CNN1: variants seen among roughly 807,000 people sequenced by gnomAD.
CNN1 encodes calponin-1.
A neutral mutation model predicts 35.3 loss-of-function variants in CNN1; 21 were observed. That is an observed-to-expected ratio of 0.60 (90% CI 0.42 to 0.86). The LOEUF (loss-of-function observed/expected upper bound fraction) is 0.86. CNN1 is among the 40% of genes least tolerant of loss of function. The pLI is 0.00. For synonymous variants in CNN1, 164 were observed against 161.8 expected (o/e 1.01, Z -0.10); for missense variants, 314 against 400.8 (o/e 0.78, Z 1.85).
intron 2 of CNN1, 94 bp from the exon 3 acceptor site, chr19:11,546,581 G>T: frequency 7.7e-7 from 1 of 1,302,338 alleles, no homozygotes; most frequent in Non-Finnish European, 1.1e-6. Context: ...TGATCCACCC[G>T]CCTTGGCCTC....
chr19:11,548,478 G>A (rs903367449), intron 5 of CNN1, among the ~76,000 whole-genome samples: 1 of 152,204 alleles, frequency 6.6e-6, no homozygotes, highest in African/African-American at 2.4e-5. Context: ...GAGCCCAGGA[G>A]TTCAAGGTTA....
At chr19:11,540,712 CAGAGGGGGCAGGGCT>C (rs1972442277) in intron 1 of CNN1, 1 of 182,276 alleles carries the variant, frequency 5.5e-6, no homozygotes, top group Non-Finnish European at 1.1e-5. Flanking sequence ...ACAGGGGGCA[CAGAGGGGGCAGGGCT>C]AGAGGAAGAG....
At chr19:11,541,273 A>C in intron 2 of CNN1, 76 bp downstream of exon 2, 7 of 1,457,114 alleles carry the variant, frequency 4.8e-6, no homozygotes, top group East Asian at 2.6e-5. Context: ...CAAAACAACC[A>C]TGATCCTGGA....
intron 1 of CNN1, 83 bp downstream of exon 1, chr19:11,539,073 C>A: frequency 8.1e-7 from 1 of 1,240,674 alleles, no homozygotes. Context: ...GAACCCCCTC[C>A]TGCCTATCCT....
chr19:11,541,675 G>A (rs7248873), intron 2 of CNN1, among the ~76,000 whole-genome samples: 8,919 of 152,176 alleles, frequency 0.059, 883 homozygotes, highest in African/African-American at 0.2. Context: ...TGCAACCTCC[G>A]CCTCCAGGGT....
At chr19:11,544,532 T>G (rs1030223266) in intron 2 of CNN1, among the ~76,000 whole-genome samples, 1 of 151,966 alleles carries the variant, frequency 6.6e-6, no homozygotes, top group Non-Finnish European at 1.5e-5. Context: ...AGTACAGCGG[T>G]GCAATCATAG....
Position 11,542,915 on chromosome 19 carries a change from T to C in CNN1, c.185+1718T>C, listed in dbSNP as rs116172581. Among the ~76,000 whole-genome samples, 394 of 152,294 alleles carry C rather than the reference T, an allele frequency of 2.6e-3. 3 individuals carry two copies. The highest frequency in any genetic ancestry group is 8.9e-3 in the African/African-American group (370 of 41,560). On this transcript the variant is annotated intron_variant, in intron 2 of 6. Coordinates refer to ENST00000252456, the MANE Select transcript of CNN1 (RefSeq NM_001299.6). ...GCATAGCAGGGCCCTAAACCCAGCC[T>C]GCGCCCGATCTGCATTTGAGTCTGA...
In CNN1 at chr19:11,550,076, C is replaced by T. The variant is rs1051085234; in HGVS notation, c.*281C>T. ...AGCAACGCTATTCCAGCTGTCCCCC[C>T]ACTCCCTCACAAGTGGGTACCCCCA... On this transcript the variant is annotated 3_prime_UTR_variant, in exon 7 of 7. Coordinates refer to ENST00000252456, the MANE Select transcript of CNN1 (RefSeq NM_001299.6). 2.6e-5 allele frequency: 9 copies of T among 345,676 alleles called. No homozygotes were observed. Among genetic ancestry groups the T allele is most frequent in the Admixed American group, 9.4e-5 (2 of 21,354 alleles). 21.4% of individuals were successfully genotyped at this position (345,676 alleles called of 1,614,324 possible). A position where few individuals can be genotyped will look rare whatever the true frequency, so the allele number is the denominator to read the frequency against.
intron 1 of CNN1, chr19:11,540,068 A>T (rs1230374189): frequency 9.6e-7 from 1 of 1,036,556 alleles, no homozygotes; most frequent in Non-Finnish European, 1.2e-6. Context: ...CCGGGAGAAG[A>T]AGAGGCAGCC....
At chr19:11,547,538 G>A (rs1972617335) in intron 4 of CNN1, among the ~76,000 whole-genome samples, 1 of 152,088 alleles carries the variant, frequency 6.6e-6, no homozygotes, top group African/African-American at 2.4e-5. Flanking sequence ...GTGAAACCCT[G>A]TCTCTACTAA....
chr19:11,548,534 C>T (rs1297768180), intron 5 of CNN1, among the ~76,000 whole-genome samples: 2 of 145,096 alleles, frequency 1.4e-5, no homozygotes, highest in Non-Finnish European at 3.0e-5. Context: ...AGAGTGAGAC[C>T]CTGTCTCTAA....
At chr19:11,547,505 T>C (rs1036445090) in intron 4 of CNN1, among the ~76,000 whole-genome samples, 5 of 152,038 alleles carry the variant, frequency 3.3e-5, no homozygotes, top group East Asian at 1.9e-4. Context: ...GGTCAGGAGA[T>C]TGAGACCATC....
chr19:11,543,532 G>C (rs1158607051), intron 2 of CNN1, among the ~76,000 whole-genome samples: 13 of 151,536 alleles, frequency 8.6e-5, no homozygotes, highest in Non-Finnish European at 1.6e-4. Flanking sequence ...TGTAATCCCA[G>C]CACTTTGGGA....
chr19:11,543,428 C>T (rs963109988), intron 2 of CNN1, among the ~76,000 whole-genome samples: 45 of 150,562 alleles, frequency 3.0e-4, no homozygotes, highest in Middle Eastern at 3.4e-3. Flanking sequence ...TGTATCAAAC[C>T]TGCACGTTGT....
intron 3 of CNN1, 32 bp from the exon 4 acceptor site, chr19:11,546,800 C>T: frequency 6.2e-7 from 1 of 1,614,144 alleles, no homozygotes; most frequent in Non-Finnish European, 8.5e-7. Flanking sequence ...CCTCCCCTCC[C>T]CACCCAGTGA....
At position 11,546,948 on chromosome 19, in the gene CNN1, C is replaced by G; in HGVS notation, c.369C>G (p.Thr123=). The G allele has an allele frequency of 6.2e-7, 1 of 1,614,220 alleles. No homozygotes were observed. The highest frequency in any genetic ancestry group is 8.5e-7 in the Non-Finnish European group (1 of 1,180,048). Residue 123 remains threonine (T), a synonymous_variant, in exon 4 of 7, where the codon ACC becomes ACG. Coordinates refer to ENST00000252456, the MANE Select transcript of CNN1 (RefSeq NM_001299.6). The part of the protein sequence containing the change: ...ENTNHTQVQS[T]LLALASMAKT... ...CCAACCATACACAGGTGCAGTCCAC[C>G]CTCCTGGCTTTGGCCAGCATGGTGA...
Position 11,549,667 on chromosome 19 carries a change from C to T in CNN1, c.766C>T (p.Arg256Trp), listed in dbSNP as rs570474230. ...QMGSNKGASQRGMTVYGLPRQ... is the reference protein window; with the variant it reads ...QMGSNKGASQWGMTVYGLPRQ... ...GGGCAGCAACAAGGGCGCCTCGCAG[C>T]GGGGCATGACGGTGTATGGGCTGCC... Residue 256 changes from arginine to tryptophan, a missense_variant, in exon 7 of 7, where the codon CGG (arginine) becomes TGG (tryptophan). Physicochemically the swap from Arg to Trp is moderately radical, Grantham distance 101. Transcript: ENST00000252456. This position sits in a 1 kb window ranked among gnomAD's most constrained non-coding sequence, Gnocchi z 5.2. The T allele has an allele frequency of 6.2e-6, 10 of 1,614,084 alleles. No individual in the cohort carries two copies. In the African/African-American group the frequency reaches 6.7e-5, roughly 11 times the overall value.
chr19:11,541,214 A>C lies in CNN1; in HGVS notation c.185+17A>C. 1 of 1,540,386 alleles carries C rather than the reference A, an allele frequency of 6.5e-7. No individual in the cohort carries two copies. The highest frequency in any genetic ancestry group is 8.8e-7 in the Non-Finnish European group (1 of 1,139,576). ...TCTTTGCGAGTGAGTGAGGCTCTCG[A>C]AGCCGAGACCCTGCAACATCCCCCA... On this transcript the variant is annotated intron_variant, in intron 2 of 6. Transcript: ENST00000252456.
rs534818508 is a variant in CNN1 at position 11,545,245 on chromosome 19, G to C, written c.186-1430G>C. 5.9e-5 allele frequency among the ~76,000 whole-genome samples: 9 copies of C among 151,860 alleles called. No individual in the cohort carries two copies. The East Asian group carries it at 1.2e-3, about 20-fold the overall frequency. ...CTGGCTGCTGGATGAAGAAGGGTGGGTCTGTAGGGGATGAAGTGGAAGTTG... is the reference window on the plus strand; with the variant it reads ...CTGGCTGCTGGATGAAGAAGGGTGGCTCTGTAGGGGATGAAGTGGAAGTTG... On this transcript the variant is annotated intron_variant, in intron 2 of 6. Coordinates refer to ENST00000252456, the MANE Select transcript of CNN1 (RefSeq NM_001299.6).
Sources: gnomAD v4.1 joint callset for allele counts (sites outside exome capture counted in the v4.1 genomes callset) on GRCh38, gnomAD v4.1.1 for gene constraint, Gnocchi (gnomAD v3.1) non-coding constraint, MANE v1.5 for transcripts, NCBI Gene and HGNC (gene_info 2026-07-23, HGNC 2026-07-21) for gene names.